Variants in PRPF31 observed in about 807,000 individuals in gnomAD.
PRPF31 encodes pre-mRNA processing factor 31, also known as U4/U6 small nuclear ribonucleoprotein Prp31.
PRPF31 carries 12 observed loss-of-function variants against 60.4 expected under a neutral mutation model. That is an observed-to-expected ratio of 0.20 (90% CI 0.13 to 0.32). The LOEUF (loss-of-function observed/expected upper bound fraction) is 0.32. Ranked by LOEUF, PRPF31 falls within the 10% of genes least tolerant of loss-of-function variation. The pLI, the probability that PRPF31 is intolerant of heterozygous loss-of-function variation, is 1.00. For synonymous variants in PRPF31, 287 were observed against 287.9 expected (o/e 1.00, Z 0.03); for missense variants, 431 against 687.1 (o/e 0.63, Z 4.17).
chr19:54,125,715 T>C (rs1273880340), intron 8 of PRPF31, among the ~76,000 whole-genome samples: 2 of 152,120 alleles, frequency 1.3e-5, no homozygotes, highest in Non-Finnish European at 2.9e-5. Context: ...TGTGGTCTTT[T>C]CTGCGACCCT....
At chr19:54,117,184 G>A (rs917441736) in intron 1 of PRPF31, among the ~76,000 whole-genome samples, 15 of 152,186 alleles carry the variant, frequency 9.9e-5, no homozygotes, top group Non-Finnish European at 1.8e-4. Flanking sequence ...GAGGCGGGAA[G>A]AGACCGATAA....
rs1308237872 is a variant in PRPF31 at position 54,122,573 on chromosome 19, G to A, written c.399G>A (p.Leu133=). 6.2e-7 allele frequency: 1 copy of A among 1,613,994 alleles called. No individual in the cohort carries two copies. The highest frequency in any genetic ancestry group is 8.5e-7 in the Non-Finnish European group (1 of 1,179,940). The change falls in exon 5 of 14, where the codon CTG becomes CTA. Residue 133 remains leucine (L), a synonymous_variant. Coordinates refer to ENST00000321030, the MANE Select transcript of PRPF31 (RefSeq NM_015629.4). ...TGGAGTCCTTGGTCCCCAATGCACT[G>A]GATTACATCCGCACGGTCAAGGTGA... The part of the protein sequence containing the change: ...PELESLVPNA[L]DYIRTVKELG...
rs2073700497 is a variant in PRPF31 at position 54,118,300 on chromosome 19, T to C, written c.22T>C (p.Leu8=). The change falls in exon 2 of 14, where the codon TTA becomes CTA. Residue 8 remains leucine (L), a synonymous_variant. Coordinates refer to ENST00000321030, the MANE Select transcript of PRPF31 (RefSeq NM_015629.4). MSLADEL[L]ADLEEAAEEE... is the part of the protein sequence containing the mutation. ...CGGGATGTCTCTGGCAGATGAGCTC[T>C]TAGCTGATCTCGAAGAGGCAGCAGA... 31 of 1,613,364 alleles carry C rather than the reference T, an allele frequency of 1.9e-5. No homozygotes were observed. Among genetic ancestry groups the C allele is most frequent in the Non-Finnish European group, 2.5e-5 (29 of 1,180,024 alleles).
At chr19:54,119,500 T>C (rs1410420589) in intron 3 of PRPF31, 1 of 126,750 alleles carries the variant, frequency 7.9e-6, no homozygotes, top group Admixed American at 7.4e-5. Context: ...TTCCTATTCT[T>C]TTTTTTTTTT....
At chr19:54,128,716 G>A (rs2556367) in intron 11 of PRPF31, among the ~76,000 whole-genome samples, 6,804 of 152,092 alleles carry the variant, frequency 0.045, 196 homozygotes, top group Non-Finnish European at 0.062. Context: ...TTATCCCAGC[G>A]TCATCCCCTT....
chr19:54,122,809 G>A (rs745575991), intron 5 of PRPF31: 69 of 639,508 alleles, frequency 1.1e-4, no homozygotes, highest in Non-Finnish European at 1.7e-4. Flanking sequence ...GGGCTTCCCC[G>A]CTGGCCTGAC....
Position 54,118,611 on chromosome 19 carries a change from C to G in PRPF31, c.216C>G (p.Ser72Arg). Reference sequence around the variant, plus strand: ...TGATGAAGATTGAGGAGTATATCAGCAAGCAAGCCAAAGCTTCAGAAGGTG... The same window carrying G: ...TGATGAAGATTGAGGAGTATATCAGGAAGCAAGCCAAAGCTTCAGAAGGTG... ...EIMMKIEEYI[S>R]KQAKASEVMG... Residue 72 changes from serine (S) to arginine (R), a missense_variant, in exon 3 of 14, where the codon AGC (serine) becomes AGG (arginine). Physicochemically the swap from Ser to Arg is moderately radical, Grantham distance 110 (BLOSUM62 -1). This residue lies in a region of PRPF31 where 113 missense variants were observed against 173.8 expected (regional missense o/e 0.65). Coordinates refer to ENST00000321030, the MANE Select transcript of PRPF31 (RefSeq NM_015629.4). 4 of 1,614,104 alleles carry G rather than the reference C, an allele frequency of 2.5e-6. No homozygotes were observed. The highest frequency in any genetic ancestry group is 3.4e-6 in the Non-Finnish European group (4 of 1,180,028).
At chr19:54,126,287 G>A (rs770823746) in intron 8 of PRPF31, among the ~76,000 whole-genome samples, 16 of 152,192 alleles carry the variant, frequency 1.1e-4, no homozygotes, top group Non-Finnish European at 1.9e-4. Flanking sequence ...CGTTGTCAGC[G>A]TGCCTTACTG....
Position 54,124,073 on chromosome 19 carries a change from G to A in PRPF31, c.697+155G>A, listed in dbSNP as rs768633550. The A allele has an allele frequency of 1.2e-3, 1,674 of 1,441,594 alleles. 5 individuals carry two copies. The highest frequency in any genetic ancestry group is 1.4e-3 in the Non-Finnish European group (1,556 of 1,085,180). The allele number at this position is 1,441,594 out of a possible 1,614,324, so 89.3% of individuals were successfully genotyped here. A position where few individuals can be genotyped will look rare whatever the true frequency, so the allele number is the denominator to read the frequency against. Reference sequence around the variant, plus strand: ...CAGAGGTCAGCCAGCCTGGCACACAGCAAAGCCTCATCTGTGGGAAAAACA... The same window carrying A: ...CAGAGGTCAGCCAGCCTGGCACACAACAAAGCCTCATCTGTGGGAAAAACA... On this transcript the variant is annotated intron_variant, in intron 7 of 13. Transcript: ENST00000321030.
chr19:54,124,480 T>TCCCCCCCCC lies in PRPF31; in HGVS notation c.698-16_698-15insCCCCCCCCC. On this transcript the variant is annotated intron_variant, in intron 7 of 13. Transcript: ENST00000321030. The stretch of plus-strand genomic sequence containing the variant: ...CTTTCTTCTGACCGCCCCCCCTTCC[T>TCCCCCCCCC]CCCTCCCTCCCACCGCAGGTGTGGC... 1 of 1,538,606 alleles carries TCCCCCCCCC rather than the reference T, an allele frequency of 6.5e-7. No individual in the cohort carries two copies. The highest frequency in any genetic ancestry group is 1.1e-5 in the South Asian group (1 of 89,776).
chr19:54,124,384 C>A, intron 7 of PRPF31, 115 bp from the exon 8 acceptor site: 2 of 1,022,056 alleles, frequency 2.0e-6, no homozygotes, highest in South Asian at 2.7e-5. Flanking sequence ...AGGAATCCAA[C>A]CAGAACTTCA....
chr19:54,131,406 G>A lies in PRPF31; in HGVS notation c.1474G>A (p.Glu492Lys), dbSNP rs867019753. The stretch of plus-strand genomic sequence containing the variant: ...GGCTGAGTTCCTCAAGGTCAAGGGC[G>A]AGAAGAGTGGCCTTATGTCCACCTG... ...SMAEFLKVKG[E>K]KSGLMST Residue 492 changes from glutamate (E) to lysine (K), a missense_variant, in exon 14 of 14, where the codon GAG becomes AAG. Glu to Lys is a moderately conservative substitution (Grantham distance 56). Around this residue, in one of 4 missense-constraint regions of PRPF31, gnomAD observed 314 missense variants for 475.3 expected, o/e 0.66. Coordinates refer to ENST00000321030, the MANE Select transcript of PRPF31 (RefSeq NM_015629.4). The A allele has an allele frequency of 5.6e-6, 9 of 1,614,126 alleles. No individual in the cohort carries two copies. Among genetic ancestry groups the A allele is most frequent in the South Asian group, 2.2e-5 (2 of 91,088 alleles).
intron 3 of PRPF31, among the ~76,000 whole-genome samples, chr19:54,121,547 C>G (rs1478095471): frequency 6.6e-6 from 1 of 152,112 alleles, no homozygotes; most frequent in African/African-American, 2.4e-5. Flanking sequence ...TGCAGAGCTT[C>G]CGGAGTTGGG....
intron 7 of PRPF31, 110 bp downstream of exon 7, chr19:54,124,028 C>A: frequency 6.5e-7 from 1 of 1,545,936 alleles, no homozygotes; most frequent in Non-Finnish European, 8.7e-7. Flanking sequence ...GACCTCAGCA[C>A]CCCGTCTCCC....
At chr19:54,128,791 C>A (rs1306692070) in intron 11 of PRPF31, among the ~76,000 whole-genome samples, 1 of 152,200 alleles carries the variant, frequency 6.6e-6, no homozygotes, top group African/African-American at 2.4e-5. Context: ...TCCTGACATC[C>A]CCCGACCCAC....
rs756311278 is a variant in PRPF31, at chr19:54,118,593, G to A, written c.198G>A (p.Lys66=). ...DSKMFAEIMM[K]IEEYISKQAK... ...TACAGTTTGCTGAGATTATGATGAA[G>A]ATTGAGGAGTATATCAGCAAGCAAG... The change falls in exon 3 of 14, where the codon AAG becomes AAA. Residue 66 remains lysine, a synonymous_variant. Coordinates refer to ENST00000321030, the MANE Select transcript of PRPF31 (RefSeq NM_015629.4). 1.2e-6 allele frequency: 2 copies of A among 1,614,120 alleles called. No individual in the cohort carries two copies. The highest frequency in any genetic ancestry group is 1.1e-5 in the South Asian group (1 of 91,076).
chr19:54,123,680 G>A (rs2073848666), intron 6 of PRPF31, 69 bp from the exon 7 acceptor site: 3 of 1,591,124 alleles, frequency 1.9e-6, no homozygotes, highest in Non-Finnish European at 2.6e-6. Context: ...ACACAGAACC[G>A]AGAGGGCTGG....
At chr19:54,119,331 G>A (rs1375387362) in intron 3 of PRPF31, among the ~76,000 whole-genome samples, 7 of 151,164 alleles carry the variant, frequency 4.6e-5, no homozygotes, top group Non-Finnish European at 7.4e-5. Context: ...GCAGTGAGCC[G>A]AGATCGTGCC....
Position 54,122,600 on chromosome 19 carries a change from C to T in PRPF31, c.420+6C>T, listed in dbSNP as rs768020885. The T allele has an allele frequency of 1.5e-5, 24 of 1,612,244 alleles. No individual in the cohort carries two copies. The highest frequency in any genetic ancestry group is 6.7e-5 in the African/African-American group (5 of 74,848). ...ATTACATCCGCACGGTCAAGGTGAG[C>T]GCAGAGAAGGTGGGGTGCTTCTGCT... On this transcript the variant is annotated splice_donor_region_variant and intron_variant, in intron 5 of 13. Transcript: ENST00000321030.
Sources: gnomAD v4.1 joint callset for allele counts (sites outside exome capture counted in the v4.1 genomes callset) on GRCh38, gnomAD v4.1.1 for gene constraint, gnomAD v4.1.1 regional missense constraint, MANE v1.5 for transcripts, NCBI Gene and HGNC (gene_info 2026-07-23, HGNC 2026-07-21) for gene names.